TMEFF2: variants seen among roughly 807,000 people sequenced by gnomAD.
TMEFF2 encodes the protein transmembrane protein with EGF like and two follistatin like domains 2, also known as tomoregulin-2.
A neutral mutation model predicts 53.8 loss-of-function variants in TMEFF2; 28 were observed. The observed-to-expected ratio is 0.52, with a 90% CI of 0.39 to 0.71. The LOEUF is 0.71. Ranked by LOEUF, TMEFF2 falls within the 30% of genes least tolerant of loss-of-function variation. The pLI is 0.00. For synonymous variants in TMEFF2, 162 were observed against 166.3 expected, an observed-to-expected ratio of 0.97 and a Z score of 0.20; for missense variants, 353 against 455.2, an observed-to-expected ratio of 0.78 and a Z score of 2.04.
intron 4 of TMEFF2, among the ~76,000 whole-genome samples, chr2:192,106,206 C>T (rs1223458806): frequency 6.6e-6 from 1 of 151,356 alleles, no homozygotes; most frequent in Admixed American, 6.6e-5. Flanking sequence ...GTTTGAGGAG[C>T]ATATTTATCA....
At chr2:191,971,582 G>A (rs1692640367) in intron 7 of TMEFF2, among the ~76,000 whole-genome samples, 1 of 152,114 alleles carries the variant, frequency 6.6e-6, no homozygotes, top group South Asian at 2.1e-4. Flanking sequence ...TAGCCCCCTG[G>A]ATCCAGAGAA....
chr2:192,127,682 C>CTT (rs3053733), intron 4 of TMEFF2, among the ~76,000 whole-genome samples: 151,056 of 152,266 alleles, frequency 0.99, 74,942 homozygotes, highest in Middle Eastern at 1. Context: ...AATTATGTAA[C>CTT]TGTTTGTTTT....
chr2:192,180,931 T>C (rs1409381652), intron 3 of TMEFF2, among the ~76,000 whole-genome samples: 1 of 151,800 alleles, frequency 6.6e-6, no homozygotes, highest in African/African-American at 2.4e-5. Context: ...TATTAGAATG[T>C]CAAGTAATCA....
intron 4 of TMEFF2, among the ~76,000 whole-genome samples, chr2:192,076,277 C>T (rs756349598): frequency 7.2e-5 from 11 of 152,128 alleles, no homozygotes; most frequent in Non-Finnish European, 1.6e-4. Context: ...ATTGTCCTCT[C>T]CTTTCTATGT....
chr2:191,950,091 ATAGTT>A lies in TMEFF2; in HGVS notation c.*215_*219del. The A allele has an allele frequency of 7.7e-7, 1 of 1,300,756 alleles. No homozygotes were observed. 80.6% of individuals were successfully genotyped at this position (1,300,756 alleles called of 1,614,324 possible). Reference sequence around the variant, plus strand: ...GAAAAAACTATATTGTGTGATATAAATAGTTTATTTACATTACAGAAAAAACATCA... The same window carrying A: ...GAAAAAACTATATTGTGTGATATAAATATTTACATTACAGAAAAAACATCA... On this transcript the variant is annotated 3_prime_UTR_variant, in exon 10 of 10. Coordinates refer to ENST00000272771, the MANE Select transcript of TMEFF2 (RefSeq NM_016192.4).
chr2:192,060,074 A>C (rs915847465), intron 4 of TMEFF2, among the ~76,000 whole-genome samples: 5 of 151,108 alleles, frequency 3.3e-5, no homozygotes, highest in Non-Finnish European at 5.9e-5. Context: ...ATGCCCTGAG[A>C]TATCCTTGGA....
intron 7 of TMEFF2, among the ~76,000 whole-genome samples, chr2:191,967,828 T>C (rs866245803): frequency 3.3e-5 from 5 of 152,170 alleles, no homozygotes; most frequent in African/African-American, 1.2e-4. Flanking sequence ...GTTTGCCCTC[T>C]GCTGCTCTTC....
intron 5 of TMEFF2, among the ~76,000 whole-genome samples, chr2:192,017,524 T>G (rs565290348): frequency 6.6e-6 from 1 of 152,342 alleles, no homozygotes; most frequent in East Asian, 1.9e-4. Flanking sequence ...TCACCATAGA[T>G]GAACATTCTA....
chr2:192,003,800 G>A (rs1036829206), intron 5 of TMEFF2, among the ~76,000 whole-genome samples: 2 of 152,092 alleles, frequency 1.3e-5, no homozygotes, highest in African/African-American at 4.8e-5. Context: ...AAATTAGAGA[G>A]TTTTAGCATT....
chr2:192,019,719 TAAG>T (rs1396500822), intron 5 of TMEFF2, among the ~76,000 whole-genome samples: 3 of 151,978 alleles, frequency 2.0e-5, no homozygotes, highest in Non-Finnish European at 4.4e-5. Context: ...TTTTCTTTAC[TAAG>T]AATAAAGGGC....
chr2:192,158,837 A>C (rs2106008845), intron 4 of TMEFF2, among the ~76,000 whole-genome samples: 1 of 152,288 alleles, frequency 6.6e-6, no homozygotes, highest in East Asian at 1.9e-4. Flanking sequence ...AAAAGAGAGC[A>C]AATCGGAAAA....
chr2:192,090,544 T>C (rs985755288), intron 4 of TMEFF2, among the ~76,000 whole-genome samples: 1 of 152,114 alleles, frequency 6.6e-6, no homozygotes, highest in African/African-American at 2.4e-5. Flanking sequence ...CATCTTGCCA[T>C]CCCTAGTCTC....
intron 7 of TMEFF2, among the ~76,000 whole-genome samples, chr2:191,978,939 A>G (rs1217221662): frequency 6.6e-6 from 1 of 152,176 alleles, no homozygotes; most frequent in Non-Finnish European, 1.5e-5. Flanking sequence ...TGCCTATTCA[A>G]GTGAGGCCAA....
At chr2:192,019,626 T>A (rs916653031) in intron 5 of TMEFF2, among the ~76,000 whole-genome samples, 3 of 151,982 alleles carry the variant, frequency 2.0e-5, no homozygotes, top group African/African-American at 7.2e-5. Flanking sequence ...ATTACATTTT[T>A]AAATGTTGTC....
chr2:192,133,424 C>T lies in TMEFF2; in HGVS notation c.439+46244G>A, dbSNP rs1486091906. On this transcript the variant is annotated intron_variant, in intron 4 of 9. Coordinates refer to ENST00000272771, the MANE Select transcript of TMEFF2 (RefSeq NM_016192.4). The stretch of plus-strand genomic sequence containing the variant: ...CCAATATCCCATCCCACAGCATGCT[C>T]TGAAAGGATTAAAACCTGTTATCAC... Among the ~76,000 whole-genome samples the T allele has an allele frequency of 3.3e-5, 5 of 152,290 alleles. No individual in the cohort carries two copies. In the East Asian group the frequency reaches 9.7e-4, roughly 29 times the overall value.
chr2:192,107,704 T>C (rs1689181699), intron 4 of TMEFF2, among the ~76,000 whole-genome samples: 1 of 151,732 alleles, frequency 6.6e-6, no homozygotes, highest in Non-Finnish European at 1.5e-5. Context: ...CTGAAGTCTT[T>C]GTTAGTTTCC....
chr2:192,179,763 G>T, intron 3 of TMEFF2, 69 bp from the exon 4 acceptor site: 1 of 1,414,892 alleles, frequency 7.1e-7, no homozygotes, highest in Non-Finnish European at 9.4e-7. Flanking sequence ...TTAAGCTCAA[G>T]TTTATTTTCT....
chr2:192,033,001 T>C (rs73982328), intron 5 of TMEFF2, among the ~76,000 whole-genome samples: 2,934 of 152,306 alleles, frequency 0.019, 90 homozygotes, highest in African/African-American at 0.066. Context: ...ATTCAAAGTA[T>C]AAAAATAGAT....
At position 192,053,250 on chromosome 2, in the gene TMEFF2, AT is replaced by A. The variant is rs557506008; in HGVS notation, c.536+4428del. The stretch of plus-strand genomic sequence containing the variant: ...CTCCTTCTCTTTCCCCTATTTATTA[AT>A]TTTTTTATTCCCATCTCCAGTGTGA... On this transcript the variant is annotated intron_variant, in intron 5 of 9. Transcript: ENST00000272771. Among the ~76,000 whole-genome samples the A allele has an allele frequency of 3.4e-3, 523 of 151,774 alleles. 3 individuals are homozygous for A. The highest frequency in any genetic ancestry group is 0.012 in the African/African-American group (485 of 41,388).
Sources: allele counts gnomAD v4.1 joint callset (sites outside exome capture counted in the v4.1 genomes callset), GRCh38; gene constraint gnomAD v4.1.1; transcripts MANE v1.5; gene names NCBI Gene and HGNC (gene_info 2026-07-23, HGNC 2026-07-21).